MSL2: variants seen among roughly 807,000 people sequenced by gnomAD.
The protein encoded by MSL2 is E3 ubiquitin-protein ligase MSL2.
Under a neutral mutation model 35.8 loss-of-function variants are expected in MSL2, and 2 were observed. That is an observed-to-expected ratio of 0.06 (90% CI 0.02 to 0.18). The LOEUF (loss-of-function observed/expected upper bound fraction) is 0.18. Among genes scored for constraint, MSL2 ranks in the 10% least tolerant of loss-of-function variants. MSL2 has a pLI of 1.00. For synonymous variants in MSL2, 296 were observed against 255.7 expected (o/e 1.16, Z -1.50); for missense variants, 523 against 706.7 (o/e 0.74, Z 2.95).
At chr3:136,194,158 G>A (rs1271777336) in intron 1 of MSL2, among the ~76,000 whole-genome samples, 2 of 152,074 alleles carry the variant, frequency 1.3e-5, no homozygotes, top group Non-Finnish European at 2.9e-5. Flanking sequence ...TTGTATTAAC[G>A]TTTCAGTCCA....
At chr3:136,174,796 T>C (rs1559966389) in intron 1 of MSL2, among the ~76,000 whole-genome samples, 1 of 152,222 alleles carries the variant, frequency 6.6e-6, no homozygotes, top group Non-Finnish European at 1.5e-5. Flanking sequence ...GATCGGCCTA[T>C]ATACCAGTCT....
rs1173007614 is a variant in MSL2, at chr3:136,195,687, T to C, written c.-574A>G. 8 of 985,454 alleles carry C rather than the reference T, an allele frequency of 8.1e-6. No individual in the cohort carries two copies. The South Asian group carries it at 2.3e-4, about 29-fold the overall frequency. 61.0% of individuals were successfully genotyped at this position (985,454 alleles called of 1,614,324 possible). A position where few individuals can be genotyped will look rare whatever the true frequency, so the allele number is the denominator to read the frequency against. On this transcript the variant is annotated 5_prime_UTR_variant, in exon 1 of 2. Transcript: ENST00000309993. ...ACGCCGCGGCGGCGACGAAGGTTGATGTTGCGGCTGGCGGACGCCGCCGCC... is the reference window on the plus strand; with the variant it reads ...ACGCCGCGGCGGCGACGAAGGTTGACGTTGCGGCTGGCGGACGCCGCCGCC...
chr3:136,156,663 G>A (rs1016468088), intron 1 of MSL2, among the ~76,000 whole-genome samples: 6 of 152,176 alleles, frequency 3.9e-5, no homozygotes, highest in African/African-American at 1.4e-4. Flanking sequence ...AGGAGATTGA[G>A]ACCATCCTGG....
At chr3:136,159,350 CTTTCTTTTTTT>C (rs1419491799) in intron 1 of MSL2, among the ~76,000 whole-genome samples, 2 of 102,102 alleles carry the variant, frequency 2.0e-5, no homozygotes, top group Admixed American at 1.0e-4. Flanking sequence ...AAGGAGAGTA[CTTTCTTTTTTT>C]TTTTTTTTTT....
chr3:136,155,898 T>C (rs373318195), intron 1 of MSL2: 126 of 570,942 alleles, frequency 2.2e-4, no homozygotes, highest in Non-Finnish European at 3.9e-4. Context: ...GATGGCCTTG[T>C]GATGGATGAG....
intron 1 of MSL2, among the ~76,000 whole-genome samples, chr3:136,192,897 C>G (rs1179280288): frequency 6.6e-6 from 1 of 152,116 alleles, no homozygotes; most frequent in Non-Finnish European, 1.5e-5. Context: ...GGGCTGAATT[C>G]AAATAACTGA....
At chr3:136,187,164 G>A (rs1056127372) in intron 1 of MSL2, among the ~76,000 whole-genome samples, 1 of 152,198 alleles carries the variant, frequency 6.6e-6, no homozygotes, top group Non-Finnish European at 1.5e-5. Context: ...ACCAACTTAA[G>A]ACTAGAAAAC....
intron 1 of MSL2, among the ~76,000 whole-genome samples, chr3:136,165,823 TAACA>T (rs759753947): frequency 2.0e-5 from 3 of 151,978 alleles, no homozygotes; most frequent in Non-Finnish European, 4.4e-5. Flanking sequence ...TTTGATAGCA[TAACA>T]GGGTGACTAC....
At chr3:136,188,662 G>C (rs1020370738) in intron 1 of MSL2, among the ~76,000 whole-genome samples, 3 of 149,516 alleles carry the variant, frequency 2.0e-5, no homozygotes, top group Non-Finnish European at 4.4e-5. Context: ...GAGGTGGGAG[G>C]ACTGCTGGAG....
intron 1 of MSL2, among the ~76,000 whole-genome samples, chr3:136,180,971 G>C (rs908950452): frequency 2.0e-5 from 3 of 150,728 alleles, no homozygotes; most frequent in African/African-American, 7.3e-5. Context: ...GACCAATGTA[G>C]TGAAATTCTG....
chr3:136,167,492 A>G (rs563457353), intron 1 of MSL2, among the ~76,000 whole-genome samples: 5 of 152,358 alleles, frequency 3.3e-5, no homozygotes, highest in South Asian at 4.1e-4. Context: ...GCCTCTCTCC[A>G]TAATTCTTTT....
At chr3:136,181,945 T>C (rs2108087686) in intron 1 of MSL2, among the ~76,000 whole-genome samples, 1 of 147,098 alleles carries the variant, frequency 6.8e-6, no homozygotes, top group South Asian at 2.1e-4. Context: ...AATAAATAAA[T>C]AAATAAATAA....
chr3:136,170,046 T>TA lies in MSL2; in HGVS notation c.143-17309dup, dbSNP rs879416941. Among the ~76,000 whole-genome samples the TA allele has an allele frequency of 9.8e-3, 1,241 of 127,102 alleles. 15 individuals are homozygous for TA. The highest frequency in any genetic ancestry group is 0.027 in the African/African-American group (908 of 33,750). The allele number at this position is 127,102 out of a possible 152,430, so 83.4% of individuals were successfully genotyped here. A position where few individuals can be genotyped will look rare whatever the true frequency, so the allele number is the denominator to read the frequency against. On this transcript the variant is annotated intron_variant, in intron 1 of 1. Coordinates refer to ENST00000309993, the MANE Select transcript of MSL2 (RefSeq NM_018133.4). The stretch of plus-strand genomic sequence containing the variant: ...AGCCTGGGCGACAGAGAGACTCCAT[T>TA]AAAAAAAAAAAAATCAGCGGGGCGG...
At chr3:136,181,635 T>C (rs1477865486) in intron 1 of MSL2, among the ~76,000 whole-genome samples, 2 of 152,216 alleles carry the variant, frequency 1.3e-5, no homozygotes, top group East Asian at 1.9e-4. Context: ...AAATCAAAAC[T>C]TGGCCGGGCG....
intron 1 of MSL2, among the ~76,000 whole-genome samples, chr3:136,175,343 C>CA (rs34663683): frequency 0.028 from 3,306 of 120,138 alleles, 95 homozygotes; most frequent in African/African-American, 0.076. Context: ...GACTCCGTCT[C>CA]AAAAAAAAAA....
chr3:136,194,657 T>C, intron 1 of MSL2: 1 of 300,700 alleles, frequency 3.3e-6, no homozygotes, highest in Non-Finnish European at 5.7e-6. Context: ...GCGGCAAAGG[T>C]TTAAGAAAAA....
chr3:136,194,701 C>G (rs1429768476), intron 1 of MSL2: 35 of 435,284 alleles, frequency 8.0e-5, no homozygotes, highest in Non-Finnish European at 3.9e-6. Context: ...ATCTTACCCC[C>G]ACTTAAACCA....
intron 1 of MSL2, among the ~76,000 whole-genome samples, chr3:136,193,060 A>G (rs1418091782): frequency 6.6e-6 from 1 of 152,234 alleles, no homozygotes; most frequent in Non-Finnish European, 1.5e-5. Flanking sequence ...ATGATGTGAA[A>G]TAAGAAAGCC....
chr3:136,194,940 C>T, intron 1 of MSL2, 32 bp downstream of exon 1: 2 of 1,612,654 alleles, frequency 1.2e-6, no homozygotes, highest in South Asian at 2.2e-5. Context: ...TAAAAACAAG[C>T]ATTGAAAAGG....
Sources: gnomAD v4.1 joint callset for allele counts (sites outside exome capture counted in the v4.1 genomes callset) on GRCh38, gnomAD v4.1.1 for gene constraint, MANE v1.5 for transcripts, NCBI Gene and HGNC (gene_info 2026-07-23, HGNC 2026-07-21) for gene names.